The following KDM4A variants were observed in gnomAD, a reference collection of about 807,000 sequenced individuals.
KDM4A encodes the protein lysine-specific demethylase 4A.
Under a neutral mutation model 127.1 loss-of-function variants are expected in KDM4A, and 23 were observed. The ratio of observed to expected loss-of-function variants is 0.18; its 90% CI spans 0.13 to 0.26. The LOEUF is 0.26. Ranked by LOEUF, KDM4A falls within the 10% of genes least tolerant of loss-of-function variation. The pLI is 1.00. For missense variants in KDM4A, 890 were observed against 1,329.1 expected (o/e 0.67, Z 5.14); for synonymous variants, 443 against 466.5 (o/e 0.95, Z 0.65).
At chr1:43,699,042 G>A (rs1324457162) in intron 19 of KDM4A, among the ~76,000 whole-genome samples, 2 of 151,696 alleles carry the variant, frequency 1.3e-5, no homozygotes, top group Non-Finnish European at 2.9e-5. Context: ...GCCTACCTTG[G>A]CCTCCCAAAG....
intron 12 of KDM4A, among the ~76,000 whole-genome samples, chr1:43,686,214 A>AGTG (rs1322160221): frequency 7.6e-6 from 1 of 130,780 alleles, no homozygotes; most frequent in East Asian, 2.4e-4. Flanking sequence ...GCTGGAGTGC[A>AGTG]GTGGTGTGAT....
intron 11 of KDM4A, among the ~76,000 whole-genome samples, chr1:43,676,929 C>T (rs1660753933): frequency 6.6e-6 from 1 of 152,114 alleles, no homozygotes; most frequent in Non-Finnish European, 1.5e-5. Context: ...AACACTAGGT[C>T]TTATTTCTTC....
intron 9 of KDM4A, among the ~76,000 whole-genome samples, chr1:43,668,480 G>T (rs1185704360): frequency 6.6e-6 from 1 of 152,182 alleles, no homozygotes; most frequent in Non-Finnish European, 1.5e-5. Context: ...TCTTGGTAAA[G>T]GCTCCAGAAA....
intron 11 of KDM4A, 140 bp downstream of exon 11, chr1:43,672,015 C>T: frequency 2.1e-6 from 2 of 937,848 alleles, no homozygotes; most frequent in Non-Finnish European, 2.9e-6. Context: ...CAGTCAGTGC[C>T]TCTAGCCAGC....
At position 43,665,753 on chromosome 1, in the gene KDM4A, G is replaced by C; in HGVS notation, c.673+8G>C. On this transcript the variant is annotated splice_region_variant and intron_variant, in intron 6 of 21. Transcript: ENST00000372396. ...TGGAACGCCTCGCCAAAGGTACTGT[G>C]TCTCTTCTGTTTGCTGGATTGGACC... is the stretch of plus-strand genomic sequence containing the variant. The C allele has an allele frequency of 1.9e-6, 3 of 1,613,960 alleles. No homozygotes were observed. Among genetic ancestry groups the C allele is most frequent in the East Asian group, 2.2e-5 (1 of 44,866 alleles).
At chr1:43,663,920 C>T (rs1263548717) in intron 5 of KDM4A, among the ~76,000 whole-genome samples, 1 of 152,138 alleles carries the variant, frequency 6.6e-6, no homozygotes, top group Non-Finnish European at 1.5e-5. Flanking sequence ...AGGCATGAGC[C>T]ACTGTACCCG....
intron 1 of KDM4A, chr1:43,650,536 C>G (rs1002653344): frequency 2.0e-5 from 3 of 152,196 alleles, no homozygotes; most frequent in Non-Finnish European, 2.9e-5. Flanking sequence ...CGGGAGGGGC[C>G]GAACCTGTGC....
intron 18 of KDM4A, among the ~76,000 whole-genome samples, chr1:43,697,466 G>A (rs1051920405): frequency 1.3e-5 from 2 of 152,194 alleles, no homozygotes; most frequent in African/African-American, 4.8e-5. Flanking sequence ...TTTGCCTGGC[G>A]GCCCAGGCCT....
In KDM4A at chr1:43,669,313, G is replaced by A; in HGVS notation, c.1363+14G>A. The A allele has an allele frequency of 6.2e-7, 1 of 1,613,414 alleles. No homozygotes were observed. Among genetic ancestry groups the A allele is most frequent in the Non-Finnish European group, 8.5e-7 (1 of 1,179,388 alleles). ...TTACCTTCCCAGGTTAGTTGACTAT[G>A]GTGTATTTTCCACAACCCTAACTCA... On this transcript the variant is annotated intron_variant, in intron 10 of 21. Transcript: ENST00000372396.
intron 3 of KDM4A, among the ~76,000 whole-genome samples, chr1:43,657,622 T>TC (rs1307844510): frequency 6.6e-6 from 1 of 152,180 alleles, no homozygotes; most frequent in Admixed American, 6.5e-5. Flanking sequence ...CTTCCTGCCA[T>TC]CCTTATTGTC....
chr1:43,673,752 C>T (rs1211124187), intron 11 of KDM4A, among the ~76,000 whole-genome samples: 2 of 152,190 alleles, frequency 1.3e-5, no homozygotes, highest in African/African-American at 2.4e-5. Flanking sequence ...GTCTCTTTAA[C>T]TCCCAGTTGC....
chr1:43,652,114 A>G (rs1205304635), intron 1 of KDM4A, among the ~76,000 whole-genome samples: 1 of 152,224 alleles, frequency 6.6e-6, no homozygotes. Context: ...TATCTGGTTT[A>G]GCTGTGCCCT....
chr1:43,677,344 C>CAAAAAAAAAAAAAAAAA (rs35771419), intron 11 of KDM4A, among the ~76,000 whole-genome samples: 1 of 65,806 alleles, frequency 1.5e-5, no homozygotes, highest in African/African-American at 4.5e-5. Flanking sequence ...GACTCCATCT[C>CAAAAAAAAAAAAAAAAA]AAAAAAAAAA....
chr1:43,683,320 G>C (rs1660898379), intron 11 of KDM4A, among the ~76,000 whole-genome samples: 1 of 152,220 alleles, frequency 6.6e-6, no homozygotes. Flanking sequence ...GGGCACCTAG[G>C]CTCCTTGGGG....
chr1:43,704,514 A>C lies in KDM4A; in HGVS notation c.*144A>C, dbSNP rs1570889872. On this transcript the variant is annotated 3_prime_UTR_variant, in exon 22 of 22. Transcript: ENST00000372396. The stretch of plus-strand genomic sequence containing the variant: ...GAAATAACCGACCCATCATCTTCTC[A>C]CCCACCCTCATTGCATTCCGCTGTA... The C allele has an allele frequency of 1.6e-5, 14 of 880,748 alleles. No individual in the cohort carries two copies. The highest frequency in any genetic ancestry group is 2.5e-5 in the East Asian group (1 of 40,018). The allele number at this position is 880,748 out of a possible 1,614,324, so 54.6% of individuals were successfully genotyped here. A position where few individuals can be genotyped will look rare whatever the true frequency, so the allele number is the denominator to read the frequency against.
chr1:43,683,890 G>A, intron 12 of KDM4A, 86 bp downstream of exon 12: 7 of 1,494,318 alleles, frequency 4.7e-6, no homozygotes, highest in East Asian at 2.3e-5. Context: ...CCAAGCTGAG[G>A]GATAAGGGTG....
At chr1:43,677,344 CAAAA>C (rs35771419) in intron 11 of KDM4A, among the ~76,000 whole-genome samples, 2 of 65,796 alleles carry the variant, frequency 3.0e-5, no homozygotes, top group Admixed American at 1.7e-4. Context: ...GACTCCATCT[CAAAA>C]AAAAAAAAAA....
chr1:43,682,943 T>A (rs1230565772), intron 11 of KDM4A, among the ~76,000 whole-genome samples: 1 of 152,244 alleles, frequency 6.6e-6, no homozygotes, highest in Admixed American at 6.5e-5. Flanking sequence ...TTTAAATACG[T>A]TGATTAGAAA....
chr1:43,660,323 T>G lies in KDM4A; in HGVS notation c.340T>G (p.Phe114Val). 1.9e-6 allele frequency: 3 copies of G among 1,614,110 alleles called. No homozygotes were observed. Among genetic ancestry groups the G allele is most frequent in the Non-Finnish European group, 2.5e-6 (3 of 1,180,010 alleles). The change falls in exon 4 of 22, where the codon TTT becomes GTT. Residue 114 changes from phenylalanine to valine, a missense_variant. By Grantham distance (50) the Phe-to-Val change is conservative. Coordinates refer to ENST00000372396, the MANE Select transcript of KDM4A (RefSeq NM_014663.3). ...DKYCTPRYSE[F>V]EELERKYWKN... Reference sequence around the variant, plus strand: ...GTACTGTACCCCACGCTATAGTGAGTTTGAAGAGCTCGAGCGGAAATACTG... The same window carrying G: ...GTACTGTACCCCACGCTATAGTGAGGTTGAAGAGCTCGAGCGGAAATACTG...
Sources: allele counts gnomAD v4.1 joint callset (sites outside exome capture counted in the v4.1 genomes callset), GRCh38; gene constraint gnomAD v4.1.1; transcripts MANE v1.5; gene names NCBI Gene and HGNC (gene_info 2026-07-23, HGNC 2026-07-21).